The following NBEA variants were observed in gnomAD, a reference collection of about 807,000 sequenced individuals.
NBEA encodes the protein lysosomal-trafficking regulator 2.
Under a neutral mutation model 343.4 loss-of-function variants are expected in NBEA, and 44 were observed. That is an observed-to-expected ratio of 0.13 (90% CI 0.10 to 0.16). The LOEUF (loss-of-function observed/expected upper bound fraction) is 0.16. NBEA is among the 10% of genes least tolerant of loss of function. The pLI, the probability that NBEA is intolerant of heterozygous loss-of-function variation, is 1.00. For missense variants in NBEA, 2,555 were observed against 3,631.3 expected (o/e 0.70, Z 7.62); for synonymous variants, 1,175 against 1,238.7 (o/e 0.95, Z 1.08).
At chr13:35,052,589 T>C (rs1455748633) in intron 6 of NBEA, among the ~76,000 whole-genome samples, 1 of 151,896 alleles carries the variant, frequency 6.6e-6, no homozygotes, top group Non-Finnish European at 1.5e-5. Flanking sequence ...ATACATAATA[T>C]CACTATGCAC....
chr13:35,646,421 A>G, intron 51 of NBEA, 73 bp downstream of exon 51: 1 of 1,085,922 alleles, frequency 9.2e-7, no homozygotes, highest in Non-Finnish European at 1.4e-6. Flanking sequence ...TAAAATTGTG[A>G]TTTTAACAGC....
chr13:35,627,303 A>C (rs141873095), intron 48 of NBEA, among the ~76,000 whole-genome samples: 184 of 152,322 alleles, frequency 1.2e-3, no homozygotes, highest in African/African-American at 4.1e-3. Flanking sequence ...AGTTGATGAT[A>C]AATGACTGCA....
chr13:35,372,610 G>A (rs1594389711), intron 38 of NBEA, among the ~76,000 whole-genome samples: 1 of 152,268 alleles, frequency 6.6e-6, no homozygotes, highest in Non-Finnish European at 1.5e-5. Context: ...GGGAGGGAGT[G>A]GTTGCTTTCA....
At chr13:35,328,430 A>G (rs2038717604) in intron 36 of NBEA, among the ~76,000 whole-genome samples, 1 of 151,980 alleles carries the variant, frequency 6.6e-6, no homozygotes, top group Admixed American at 6.6e-5. Flanking sequence ...AATAATGCCT[A>G]GTATTCAATG....
At chr13:35,588,816 T>G (rs1010570446) in intron 46 of NBEA, among the ~76,000 whole-genome samples, 3 of 152,176 alleles carry the variant, frequency 2.0e-5, no homozygotes, top group African/African-American at 7.2e-5. Context: ...ACTCAGTAAC[T>G]CGTTCACCTT....
At chr13:34,985,390 G>A (rs1298116192) in intron 1 of NBEA, among the ~76,000 whole-genome samples, 4 of 150,994 alleles carry the variant, frequency 2.6e-5, no homozygotes, top group South Asian at 4.2e-4. Context: ...GGATGAAGCC[G>A]ACTTGATTGT....
chr13:35,017,005 G>C (rs1179772387), intron 1 of NBEA, among the ~76,000 whole-genome samples: 2 of 152,156 alleles, frequency 1.3e-5, no homozygotes, highest in Non-Finnish European at 2.9e-5. Context: ...TTTGTCGACT[G>C]TGAGAAACAG....
In NBEA at chr13:35,474,302, T is replaced by G. The variant is rs1274301178; in HGVS notation, c.6585+1766T>G. ...AATTATCCAGTGTATTTCAAGTGCATTTTTCAAATATATAATTCAGATATT... is the reference window on the plus strand; with the variant it reads ...AATTATCCAGTGTATTTCAAGTGCAGTTTTCAAATATATAATTCAGATATT... On this transcript the variant is annotated intron_variant, in intron 41 of 58. Transcript: ENST00000379939. The G allele has an allele frequency of 2.0e-5, 3 of 152,640 alleles. No individual in the cohort carries two copies. In the East Asian group the frequency reaches 5.8e-4, roughly 29 times the overall value. 9.5% of individuals were successfully genotyped at this position (152,640 alleles called of 1,614,324 possible).
intron 34 of NBEA, among the ~76,000 whole-genome samples, chr13:35,256,282 A>G (rs1379518712): frequency 6.6e-6 from 1 of 152,222 alleles, no homozygotes; most frequent in Non-Finnish European, 1.5e-5. Context: ...AGGAGACCCA[A>G]AGTGGATAGT....
intron 36 of NBEA, among the ~76,000 whole-genome samples, chr13:35,332,096 G>A (rs1385163502): frequency 6.6e-6 from 1 of 151,864 alleles, no homozygotes; most frequent in Non-Finnish European, 1.5e-5. Context: ...TATACTATTG[G>A]TGATTTCATA....
intron 34 of NBEA, among the ~76,000 whole-genome samples, chr13:35,250,453 T>C (rs1016354867): frequency 6.6e-6 from 1 of 152,194 alleles, no homozygotes; most frequent in African/African-American, 2.4e-5. Flanking sequence ...ATTTGCAATC[T>C]CATAAATGGT....
chr13:35,016,246 T>C (rs1314760137), intron 1 of NBEA, among the ~76,000 whole-genome samples: 4 of 152,116 alleles, frequency 2.6e-5, no homozygotes, highest in Non-Finnish European at 4.4e-5. Context: ...TGTATGTAGA[T>C]ATATGTATAC....
At chr13:35,660,954 T>C (rs925946302) in intron 55 of NBEA, among the ~76,000 whole-genome samples, 2 of 152,200 alleles carry the variant, frequency 1.3e-5, no homozygotes, top group Admixed American at 1.3e-4. Context: ...CAAATGGTAA[T>C]GGATGTATTG....
chr13:35,126,697 TCAA>T (rs1433163019), intron 17 of NBEA, among the ~76,000 whole-genome samples: 1 of 152,036 alleles, frequency 6.6e-6, no homozygotes, highest in Non-Finnish European at 1.5e-5. Context: ...GGTGGGCAGA[TCAA>T]CGAGGTCAGC....
At chr13:35,617,289 G>A (rs1378777854) in intron 48 of NBEA, among the ~76,000 whole-genome samples, 1 of 152,102 alleles carries the variant, frequency 6.6e-6, no homozygotes, top group East Asian at 1.9e-4. Context: ...TCCATGGAGC[G>A]AAAGGCTTTA....
chr13:35,627,441 T>TC (rs1332359756), intron 48 of NBEA, among the ~76,000 whole-genome samples: 1 of 149,094 alleles, frequency 6.7e-6, no homozygotes, highest in Non-Finnish European at 1.5e-5. Context: ...TAAAAAGGCC[T>TC]TTTTTTTTTC....
intron 41 of NBEA, among the ~76,000 whole-genome samples, chr13:35,477,573 G>A (rs916735973): frequency 1.3e-5 from 2 of 152,170 alleles, no homozygotes; most frequent in African/African-American, 4.8e-5. Flanking sequence ...AAATTCAGGT[G>A]AGATCATAGA....
chr13:35,472,365 G>A, intron 40 of NBEA, 35 bp from the exon 41 acceptor site: 1 of 1,603,596 alleles, frequency 6.2e-7, no homozygotes, highest in Non-Finnish European at 8.5e-7. Context: ...GGGCCACAGG[G>A]GCTCAGCCTG....
At chr13:35,049,096 A>G (rs1268688461) in intron 5 of NBEA, among the ~76,000 whole-genome samples, 1 of 151,834 alleles carries the variant, frequency 6.6e-6, no homozygotes, top group East Asian at 1.9e-4. Flanking sequence ...AAAATTGTTG[A>G]TAATAACTAT....
Sources: allele counts gnomAD v4.1 joint callset (sites outside exome capture counted in the v4.1 genomes callset), GRCh38; gene constraint gnomAD v4.1.1; transcripts MANE v1.5; gene names NCBI Gene and HGNC (gene_info 2026-07-23, HGNC 2026-07-21).